Variants in ROBO1 observed in about 807,000 individuals in gnomAD.
The protein encoded by ROBO1 is roundabout guidance receptor 1.
Under a neutral mutation model 195.9 loss-of-function variants are expected in ROBO1, and 149 were observed. The observed-to-expected ratio is 0.76, with a 90% CI of 0.67 to 0.87. ROBO1 has a LOEUF of 0.87. ROBO1 is among the 40% of genes least tolerant of loss of function. The pLI is 0.00. For missense variants in ROBO1, 1,933 were observed against 2,068.3 expected, an observed-to-expected ratio of 0.93 and a Z score of 1.27; for synonymous variants, 816 against 733.2, an observed-to-expected ratio of 1.11 and a Z score of -1.82.
intron 1 of ROBO1, among the ~76,000 whole-genome samples, chr3:79,728,923 G>A (rs772436562): frequency 6.6e-6 from 1 of 152,024 alleles, no homozygotes; most frequent in Non-Finnish European, 1.5e-5. Flanking sequence ...ATGAAATAAA[G>A]TGCTAGCTAT....
chr3:78,992,004 T>C (rs2077249662), intron 3 of ROBO1, among the ~76,000 whole-genome samples: 1 of 152,098 alleles, frequency 6.6e-6, no homozygotes, highest in Admixed American at 6.6e-5. Flanking sequence ...AAATTAAAAG[T>C]ATGACTACAT....
At chr3:79,073,487 T>A (rs975761137) in intron 3 of ROBO1, among the ~76,000 whole-genome samples, 2 of 151,882 alleles carry the variant, frequency 1.3e-5, no homozygotes, top group African/African-American at 4.8e-5. Flanking sequence ...ATTTCCCAAT[T>A]ATCCCAAGAC....
At chr3:79,740,924 G>A (rs1424071131) in intron 1 of ROBO1, among the ~76,000 whole-genome samples, 1 of 152,162 alleles carries the variant, frequency 6.6e-6, no homozygotes, top group African/African-American at 2.4e-5. Flanking sequence ...TGAAAGGACT[G>A]GGTGGTAGAT....
intron 2 of ROBO1, among the ~76,000 whole-genome samples, chr3:79,257,908 C>T (rs1165105714): frequency 6.6e-6 from 1 of 151,968 alleles, no homozygotes; most frequent in Non-Finnish European, 1.5e-5. Flanking sequence ...ATATTCAGTC[C>T]TGTGTCTTAT....
intron 2 of ROBO1, among the ~76,000 whole-genome samples, chr3:79,558,129 G>A (rs1942778829): frequency 6.6e-6 from 1 of 151,888 alleles, no homozygotes; most frequent in Non-Finnish European, 1.5e-5. Flanking sequence ...TTTGAACTGG[G>A]CAGGTCCACT....
intron 2 of ROBO1, among the ~76,000 whole-genome samples, chr3:79,508,999 CT>C (rs1940556881): frequency 6.6e-6 from 1 of 152,034 alleles, no homozygotes; most frequent in South Asian, 2.1e-4. Flanking sequence ...ACAAGATTAG[CT>C]TTTTTTCAAG....
At chr3:78,682,567 T>C (rs1354868848) in intron 10 of ROBO1, among the ~76,000 whole-genome samples, 1 of 147,896 alleles carries the variant, frequency 6.8e-6, no homozygotes, top group Non-Finnish European at 1.5e-5. Context: ...TATATGTGTA[T>C]ATACACATAT....
In ROBO1 at chr3:79,727,937, A is replaced by G. The variant is rs116257720; in HGVS notation, c.-51+39815T>C. ...TAAACCAAAGGTCCCATGTATAGCA[A>G]CCTGCTTTTTATTTTAAACATATTT... On this transcript the variant is annotated intron_variant, in intron 1 of 30. Transcript: ENST00000464233. Among the ~76,000 whole-genome samples, 951 of 152,210 alleles carry G rather than the reference A, an allele frequency of 6.2e-3. 6 individuals carry two copies. Among genetic ancestry groups the G allele is most frequent in the African/African-American group, 0.02 (825 of 41,560 alleles).
chr3:79,669,940 G>C (rs113403408), intron 1 of ROBO1, among the ~76,000 whole-genome samples: 2 of 151,674 alleles, frequency 1.3e-5, no homozygotes, highest in African/African-American at 2.4e-5. Context: ...TCTTATGCTG[G>C]GCAGAATTTA....
chr3:78,893,579 C>T (rs1308062963), intron 4 of ROBO1, among the ~76,000 whole-genome samples: 1 of 152,076 alleles, frequency 6.6e-6, no homozygotes, highest in Non-Finnish European at 1.5e-5. Flanking sequence ...AATTCCATAT[C>T]TTATGTATAA....
chr3:79,099,756 G>C (rs560900936), intron 3 of ROBO1, among the ~76,000 whole-genome samples: 1 of 151,922 alleles, frequency 6.6e-6, no homozygotes, highest in African/African-American at 2.4e-5. Flanking sequence ...TGAAATGGGA[G>C]TATATATTGC....
chr3:78,716,749 G>A (rs1225497328), intron 7 of ROBO1, among the ~76,000 whole-genome samples: 1 of 152,136 alleles, frequency 6.6e-6, no homozygotes, highest in East Asian at 1.9e-4. Context: ...CCCGCTGACA[G>A]TACCCGAAAG....
chr3:78,907,309 AAC>A (rs2037983360), intron 4 of ROBO1, among the ~76,000 whole-genome samples: 1 of 152,148 alleles, frequency 6.6e-6, no homozygotes, highest in African/African-American at 2.4e-5. Context: ...CAACAAAAAA[AAC>A]AACCACCTCT....
At chr3:79,736,095 C>G (rs904998210) in intron 1 of ROBO1, among the ~76,000 whole-genome samples, 1 of 152,192 alleles carries the variant, frequency 6.6e-6, no homozygotes, top group African/African-American at 2.4e-5. Flanking sequence ...GAGTGAGGAA[C>G]TCCTTTACAA....
intron 3 of ROBO1, among the ~76,000 whole-genome samples, chr3:79,021,618 A>G (rs2078102506): frequency 6.7e-6 from 1 of 150,354 alleles, no homozygotes; most frequent in South Asian, 2.1e-4. Context: ...TCAGTAAGCA[A>G]CACCCATCCC....
intron 3 of ROBO1, among the ~76,000 whole-genome samples, chr3:79,021,111 A>G (rs1458565716): frequency 6.6e-6 from 1 of 152,168 alleles, no homozygotes; most frequent in Non-Finnish European, 1.5e-5. Flanking sequence ...TCCTGAGAAA[A>G]CTGACTATAA....
chr3:79,200,376 A>G (rs2081739814), intron 2 of ROBO1, among the ~76,000 whole-genome samples: 1 of 151,814 alleles, frequency 6.6e-6, no homozygotes, highest in South Asian at 2.1e-4. Flanking sequence ...AGCTATTGAT[A>G]GAAAACAGTA....
At chr3:79,725,496 G>T (rs933960925) in intron 1 of ROBO1, among the ~76,000 whole-genome samples, 2 of 152,078 alleles carry the variant, frequency 1.3e-5, no homozygotes, top group African/African-American at 4.8e-5. Context: ...AAAGTGCTGG[G>T]ATTACAGGCG....
intron 4 of ROBO1, among the ~76,000 whole-genome samples, chr3:78,904,364 T>C (rs973665035): frequency 3.9e-5 from 6 of 152,088 alleles, no homozygotes; most frequent in Admixed American, 1.3e-4. Flanking sequence ...CACCATAGCA[T>C]TAATCCATTG....
Sources: gnomAD v4.1 joint callset for allele counts (sites outside exome capture counted in the v4.1 genomes callset) on GRCh38, gnomAD v4.1.1 for gene constraint, MANE v1.5 for transcripts, NCBI Gene and HGNC (gene_info 2026-07-23, HGNC 2026-07-21) for gene names.